The following CCNF variants were observed in gnomAD, a reference collection of about 807,000 sequenced individuals.
The protein encoded by CCNF is cyclin F.
Under a neutral mutation model 85.4 loss-of-function variants are expected in CCNF, and 30 were observed. The ratio of observed to expected loss-of-function variants is 0.35; its 90% CI spans 0.26 to 0.48. CCNF has a LOEUF of 0.48. CCNF is among the 20% of genes least tolerant of loss of function. The pLI, the probability that CCNF is intolerant of heterozygous loss-of-function variation, is 0.99. For synonymous variants in CCNF, 439 were observed against 425.1 expected (o/e 1.03, Z -0.40); for missense variants, 919 against 1,010.4 (o/e 0.91, Z 1.23).
intron 5 of CCNF, 136 bp from the exon 6 acceptor site, chr16:2,437,934 G>C: frequency 1.6e-6 from 1 of 629,674 alleles, no homozygotes; most frequent in East Asian, 2.7e-5. Flanking sequence ...ACTGAAATCT[G>C]GGAGTGGCCC....
chr16:2,449,542 C>T (rs1237892964), intron 12 of CCNF, 80 bp downstream of exon 12: 1 of 1,387,268 alleles, frequency 7.2e-7, no homozygotes, highest in African/African-American at 1.4e-5. Flanking sequence ...GGAAAAGAGT[C>T]CAGCATCCAT....
chr16:2,447,711 A>G (rs1324020076), intron 10 of CCNF, among the ~76,000 whole-genome samples: 2 of 152,034 alleles, frequency 1.3e-5, no homozygotes, highest in East Asian at 3.9e-4. Flanking sequence ...AGATAGCGCC[A>G]CTGCACTAAT....
chr16:2,441,581 T>G (rs767165875), intron 8 of CCNF, among the ~76,000 whole-genome samples: 6 of 152,150 alleles, frequency 3.9e-5, no homozygotes, highest in Admixed American at 6.5e-5. Flanking sequence ...TTGCCCAGGC[T>G]AGAGCACAGT....
chr16:2,439,455 G>A lies in CCNF; in HGVS notation c.697G>A (p.Asp233Asn), dbSNP rs140493876. ...CCTCTGGGAAAGCGACAGGAGGACA[G>A]ATGTGAGTGGTGCCTGCTCTGGGTC... ...YLLWESDRRT[D>N]VSDPGRCLHS... The change falls in exon 7 of 17, where the codon GAT becomes AAT. Residue 233 changes from aspartate to asparagine, a missense_variant and splice_region_variant. By Grantham distance (23) the Asp-to-Asn change is conservative (BLOSUM62 1). Transcript: ENST00000397066. 1 of 1,603,496 alleles carries A rather than the reference G, an allele frequency of 6.2e-7. No individual in the cohort carries two copies. The highest frequency in any genetic ancestry group is 1.1e-5 in the South Asian group (1 of 90,024).
At chr16:2,455,597 C>T (rs2065422872) in intron 16 of CCNF, 33 bp downstream of exon 16, 1 of 1,570,410 alleles carries the variant, frequency 6.4e-7, no homozygotes, top group Non-Finnish European at 8.7e-7. Context: ...CCAGAAGGGA[C>T]ATCACACAGA....
intron 10 of CCNF, among the ~76,000 whole-genome samples, chr16:2,447,146 C>T (rs999719480): frequency 1.3e-5 from 2 of 152,184 alleles, no homozygotes; most frequent in African/African-American, 4.8e-5. Context: ...AACCGGCTGG[C>T]AGTGAGAGAA....
intron 11 of CCNF, 114 bp downstream of exon 11, chr16:2,449,092 G>A (rs1367862520): frequency 6.7e-7 from 1 of 1,487,450 alleles, no homozygotes; most frequent in East Asian, 2.3e-5. Context: ...GAGAGCAGCT[G>A]TCTCTGCTGT....
chr16:2,457,121 G>T lies in CCNF; in HGVS notation c.*101G>T. Reference sequence around the variant, plus strand: ...CGCTGCATAGACCATGGAGGCCTTTGCGCAGAGAGCAGAGAGGATGACTTG... The same window carrying T: ...CGCTGCATAGACCATGGAGGCCTTTTCGCAGAGAGCAGAGAGGATGACTTG... On this transcript the variant is annotated 3_prime_UTR_variant, in exon 17 of 17. Coordinates refer to ENST00000397066, the MANE Select transcript of CCNF (RefSeq NM_001761.3). 4.6e-6 allele frequency: 4 copies of T among 860,524 alleles called. No homozygotes were observed. Among genetic ancestry groups the T allele is most frequent in the Non-Finnish European group, 7.1e-6 (4 of 566,004 alleles). 53.3% of individuals were successfully genotyped at this position (860,524 alleles called of 1,614,324 possible).
At position 2,439,766 on chromosome 16, in the gene CCNF, A is replaced by G. The variant is rs775908273; in HGVS notation, c.717A>G (p.Arg239=). The change falls in exon 8 of 17, where the codon CGA becomes CGG. Residue 239 remains arginine, a synonymous_variant. Transcript: ENST00000397066. ...DRRTDVSDPG[R]CLHSFRKLRD... ...ATTGACAGGTGTCAGATCCTGGGCG[A>G]TGCCTCCACAGCTTCCGAAAACTCA... is the stretch of plus-strand genomic sequence containing the variant. 1 of 1,614,066 alleles carries G rather than the reference A, an allele frequency of 6.2e-7. No individual in the cohort carries two copies.
At chr16:2,432,510 C>T (rs1210295530) in intron 2 of CCNF, among the ~76,000 whole-genome samples, 1 of 152,260 alleles carries the variant, frequency 6.6e-6, no homozygotes. Flanking sequence ...CGCTTAGGCT[C>T]CGGGTTCTAC....
At position 2,455,653 on chromosome 16, in the gene CCNF, C is replaced by T. The variant is rs1031680955; in HGVS notation, c.1885+89C>T. On this transcript the variant is annotated intron_variant, in intron 16 of 16. Transcript: ENST00000397066. ...CTCTGGGCACCCGGCCCTGTGCGAG[C>T]GCTGTGGGAGGAAGATGTGCACAGA... 18 of 1,463,256 alleles carry T rather than the reference C, an allele frequency of 1.2e-5. No individual in the cohort carries two copies. The East Asian group carries it at 3.2e-4, about 26-fold the overall frequency. 90.6% of individuals were successfully genotyped at this position (1,463,256 alleles called of 1,614,324 possible).
At chr16:2,433,203 G>A in intron 3 of CCNF, 136 bp downstream of exon 3, 1 of 601,776 alleles carries the variant, frequency 1.7e-6, no homozygotes, top group Non-Finnish European at 3.0e-6. Context: ...ACCCTGGGGA[G>A]TGACTGAGGG....
intron 4 of CCNF, chr16:2,436,459 CAAGT>C (rs2065291711): frequency 6.6e-6 from 1 of 152,288 alleles, no homozygotes; most frequent in Non-Finnish European, 1.5e-5. Flanking sequence ...GCTCTCAAAA[CAAGT>C]AAACACTGGG....
At chr16:2,448,722 C>A in intron 10 of CCNF, 133 bp from the exon 11 acceptor site, 1 of 767,684 alleles carries the variant, frequency 1.3e-6, no homozygotes, top group Non-Finnish European at 2.2e-6. Flanking sequence ...CATTATGAAG[C>A]CTCTGTTTGT....
intron 8 of CCNF, among the ~76,000 whole-genome samples, chr16:2,443,063 AAT>A (rs1165713114): frequency 8.3e-5 from 9 of 108,132 alleles, no homozygotes; most frequent in Admixed American, 1.4e-4. Context: ...TAATATCTAT[AAT>A]ATATATTATA....
At position 2,456,832 on chromosome 16, in the gene CCNF, A is replaced by T. The variant is rs1400695946; in HGVS notation, c.2173A>T (p.Thr725Ser). Reference sequence around the variant, plus strand: ...TGGCTTGGGGGCCCTGCCCCAACCTACCTCAGTGCTGTCCCTGGACAGTGA... The same window carrying T: ...TGGCTTGGGGGCCCTGCCCCAACCTTCCTCAGTGCTGTCCCTGGACAGTGA... Reference protein sequence around the residue: ...DGGLGALPQPTSVLSLDSDSH... With the variant: ...DGGLGALPQPSSVLSLDSDSH... The change falls in exon 17 of 17, where the codon ACC (threonine) becomes TCC (serine). Residue 725 changes from threonine (T) to serine (S), a missense_variant. By Grantham distance (58) the Thr-to-Ser change is moderately conservative. Around this residue, in one of 3 missense-constraint regions of CCNF, gnomAD observed 505 missense variants for 514.8 expected, o/e 0.98. Coordinates refer to ENST00000397066, the MANE Select transcript of CCNF (RefSeq NM_001761.3). This position sits in a 1 kb window ranked among gnomAD's most constrained non-coding sequence, Gnocchi z 4.5. 6.2e-7 allele frequency: 1 copy of T among 1,613,564 alleles called. No individual in the cohort carries two copies. Among genetic ancestry groups the T allele is most frequent in the Non-Finnish European group, 8.5e-7 (1 of 1,179,948 alleles).
At chr16:2,439,590 C>T in intron 7 of CCNF, 133 bp downstream of exon 7, 1 of 892,778 alleles carries the variant, frequency 1.1e-6, no homozygotes, top group Non-Finnish European at 1.8e-6. Context: ...CCTCCGGGAA[C>T]CACTGGTCAG....
intron 2 of CCNF, among the ~76,000 whole-genome samples, chr16:2,431,705 C>A: frequency 6.8e-6 from 1 of 147,164 alleles, no homozygotes; most frequent in African/African-American, 2.5e-5. Context: ...AAAAGGAGGG[C>A]AAAAAGGAAA....
In CCNF at chr16:2,451,702, A is replaced by G. The variant is rs1174018095; in HGVS notation, c.1488-1508A>G. The stretch of plus-strand genomic sequence containing the variant: ...AGTAGCAGAAACCACAGGCACCAGC[A>G]CAGCAGGCCTGGGTGCTTTTCTCCA... On this transcript the variant is annotated intron_variant, in intron 13 of 16. Transcript: ENST00000397066. The surrounding 1 kb of genome is among the most constrained non-coding windows in gnomAD (Gnocchi z 4.3). Among the ~76,000 whole-genome samples the G allele has an allele frequency of 1.3e-5, 2 of 152,140 alleles. No homozygotes were observed. The highest frequency in any genetic ancestry group is 2.9e-5 in the Non-Finnish European group (2 of 68,018).
Sources: gnomAD v4.1 joint callset for allele counts (sites outside exome capture counted in the v4.1 genomes callset) on GRCh38, gnomAD v4.1.1 for gene constraint, gnomAD v4.1.1 regional missense constraint, Gnocchi (gnomAD v3.1) non-coding constraint, MANE v1.5 for transcripts, NCBI Gene and HGNC (gene_info 2026-07-23, HGNC 2026-07-21) for gene names.